TEK: variants seen among roughly 807,000 people sequenced by gnomAD.
TEK encodes angiopoietin-1 receptor.
In TEK, 43 loss-of-function variants were observed where a neutral mutation model predicts 131.8. The ratio of observed to expected loss-of-function variants is 0.33; its 90% CI spans 0.26 to 0.42. The LOEUF (loss-of-function observed/expected upper bound fraction) is 0.42. Among genes scored for constraint, TEK ranks in the 10% least tolerant of loss-of-function variants. The probability of loss-of-function intolerance (pLI) is 1.00; values close to 1 mark genes in which losing one functional copy is unlikely to be tolerated. For synonymous variants in TEK, 580 were observed against 491.6 expected, an observed-to-expected ratio of 1.18 and a Z score of -2.38; for missense variants, 1,162 against 1,384.4, an observed-to-expected ratio of 0.84 and a Z score of 2.55.
intron 1 of TEK, among the ~76,000 whole-genome samples, chr9:27,127,426 C>A (rs1344304025): frequency 6.6e-6 from 1 of 152,162 alleles, no homozygotes; most frequent in Non-Finnish European, 1.5e-5. Context: ...AATAGTGCCA[C>A]AATAAACGTG....
At chr9:27,132,085 CTT>C (rs1209518877) in intron 1 of TEK, among the ~76,000 whole-genome samples, 4 of 135,800 alleles carry the variant, frequency 2.9e-5, no homozygotes, top group Non-Finnish European at 6.4e-5. Flanking sequence ...TATTTTTATT[CTT>C]TTTTTTTTTT....
intron 18 of TEK, among the ~76,000 whole-genome samples, chr9:27,215,286 C>T (rs377421556): frequency 8.5e-4 from 128 of 150,640 alleles, no homozygotes; most frequent in African/African-American, 2.9e-3. Flanking sequence ...TGTTCTTTAG[C>T]ACCTTGGGGC....
At chr9:27,161,822 AT>A in intron 2 of TEK, among the ~76,000 whole-genome samples, 1 of 152,224 alleles carries the variant, frequency 6.6e-6, no homozygotes, top group Non-Finnish European at 1.5e-5. Context: ...AAAAATAAGG[AT>A]AGAGATTTTA....
intron 1 of TEK, among the ~76,000 whole-genome samples, chr9:27,137,656 G>C (rs16911083): frequency 6.6e-6 from 1 of 151,626 alleles, no homozygotes; most frequent in Non-Finnish European, 1.5e-5. Flanking sequence ...CATAGTTCCC[G>C]TATGATTAAA....
chr9:27,159,840 C>G (rs543458818), intron 2 of TEK, among the ~76,000 whole-genome samples: 1 of 152,188 alleles, frequency 6.6e-6, no homozygotes, highest in Admixed American at 6.5e-5. Flanking sequence ...AAGGTGACCT[C>G]TCTTTGTTCT....
At chr9:27,153,802 T>C (rs1331110596) in intron 1 of TEK, among the ~76,000 whole-genome samples, 1 of 152,222 alleles carries the variant, frequency 6.6e-6, no homozygotes, top group African/African-American at 2.4e-5. Context: ...GCACCAGATA[T>C]GCAGTGGCAG....
chr9:27,214,643 A>G (rs889573093), intron 18 of TEK, among the ~76,000 whole-genome samples: 7 of 152,160 alleles, frequency 4.6e-5, no homozygotes, highest in Admixed American at 2.6e-4. Flanking sequence ...CCACCTTGGC[A>G]TATATATTTT....
At chr9:27,136,077 G>A (rs1198313717) in intron 1 of TEK, among the ~76,000 whole-genome samples, 1 of 137,358 alleles carries the variant, frequency 7.3e-6, no homozygotes, top group Non-Finnish European at 1.6e-5. Context: ...TGAATTCCCA[G>A]GGCAGTTATT....
chr9:27,140,950 C>G (rs1822701553), intron 1 of TEK, among the ~76,000 whole-genome samples: 1 of 151,560 alleles, frequency 6.6e-6, no homozygotes, highest in African/African-American at 2.4e-5. Flanking sequence ...GCTTTCTTTT[C>G]TTTCTTCATT....
At chr9:27,225,205 C>T (rs189006136) in intron 21 of TEK, among the ~76,000 whole-genome samples, 28 of 152,122 alleles carry the variant, frequency 1.8e-4, no homozygotes, top group Admixed American at 3.9e-4. Context: ...CATCAAGCTA[C>T]CATTGACTTT....
At chr9:27,183,887 G>A (rs1212287793) in intron 8 of TEK, among the ~76,000 whole-genome samples, 2 of 152,194 alleles carry the variant, frequency 1.3e-5, no homozygotes, top group Admixed American at 6.5e-5. Context: ...CTGCAGGACT[G>A]TCCAGCTGGT....
At chr9:27,152,036 C>A (rs7865376) in intron 1 of TEK, among the ~76,000 whole-genome samples, 13,773 of 152,170 alleles carry the variant, frequency 0.091, 888 homozygotes, top group African/African-American at 0.18. Context: ...TTCTGAAATG[C>A]CTTTGGCCAA....
intron 1 of TEK, among the ~76,000 whole-genome samples, chr9:27,148,049 A>G (rs1378376972): frequency 6.9e-6 from 1 of 145,428 alleles, no homozygotes; most frequent in African/African-American, 2.4e-5. Context: ...TGCTATGAGG[A>G]TTGAGTTATT....
intron 21 of TEK, among the ~76,000 whole-genome samples, chr9:27,222,084 T>C (rs1826107325): frequency 6.6e-6 from 1 of 152,158 alleles, no homozygotes; most frequent in Non-Finnish European, 1.5e-5. Flanking sequence ...CGAATACTTC[T>C]AGAAGCATAC....
In TEK at chr9:27,229,216, C is replaced by T. The variant is rs747733324; in HGVS notation, c.3359C>T (p.Ala1120Val). 3 of 1,613,808 alleles carry T rather than the reference C, an allele frequency of 1.9e-6. No individual in the cohort carries two copies. The highest frequency in any genetic ancestry group is 2.2e-5 in the East Asian group (1 of 44,878). ...KFTYAGIDCS[A>V]EEAA ...ACTTATGCAGGAATTGACTGTTCTG[C>T]TGAAGAAGCGGCCTAGGACAGAACA... Residue 1120 changes from alanine (A) to valine (V), a missense_variant, in exon 23 of 23, where the codon GCT becomes GTT. Ala to Val is a moderately conservative substitution (Grantham distance 64). This residue lies in a region of TEK where 84 missense variants were observed against 80.3 expected (regional missense o/e 1.05). Coordinates refer to ENST00000380036, the MANE Select transcript of TEK (RefSeq NM_000459.5).
At chr9:27,180,097 G>C in intron 6 of TEK, 143 bp from the exon 7 acceptor site, 1 of 1,221,068 alleles carries the variant, frequency 8.2e-7, no homozygotes, top group Non-Finnish European at 1.2e-6. Context: ...TTAAGTTCCT[G>C]GTAATTCAGA....
chr9:27,220,469 G>A (rs956563482), intron 21 of TEK, among the ~76,000 whole-genome samples: 22 of 83,280 alleles, frequency 2.6e-4, no homozygotes, highest in Admixed American at 1.8e-3. Context: ...AGATTTCAAA[G>A]CTGTTCATTA....
At chr9:27,114,500 G>A (rs1821470755) in intron 1 of TEK, among the ~76,000 whole-genome samples, 1 of 152,102 alleles carries the variant, frequency 6.6e-6, no homozygotes, top group Non-Finnish European at 1.5e-5. Flanking sequence ...AAACCAGGGA[G>A]GCAGAGGTTG....
At chr9:27,190,388 G>C in intron 9 of TEK, 141 bp from the exon 10 acceptor site, 1 of 918,800 alleles carries the variant, frequency 1.1e-6, no homozygotes. Context: ...AGCTTAGAGA[G>C]CAGGTGATCT....
Sources: gnomAD v4.1 joint callset for allele counts (sites outside exome capture counted in the v4.1 genomes callset) on GRCh38, gnomAD v4.1.1 for gene constraint, gnomAD v4.1.1 regional missense constraint, MANE v1.5 for transcripts, NCBI Gene and HGNC (gene_info 2026-07-23, HGNC 2026-07-21) for gene names.